The following CSMD1 variants were observed in gnomAD, a reference collection of about 807,000 sequenced individuals.
The protein encoded by CSMD1 is CUB and Sushi multiple domains 1.
In CSMD1, 213 loss-of-function variants were observed where a neutral mutation model predicts 417.5. That is an observed-to-expected ratio of 0.51 (90% CI 0.46 to 0.57). The LOEUF is 0.57. Among genes scored for constraint, CSMD1 ranks in the 20% least tolerant of loss-of-function variants. The pLI is 0.00. For missense variants in CSMD1, 6,923 were observed against 4,529.7 expected (o/e 1.53, Z -15.17); for synonymous variants, 2,862 against 1,736.8 (o/e 1.65, Z -16.11).
rs573264082 is a variant in CSMD1, at chr8:3,953,408, G to T, written c.818+44495C>A. On this transcript the variant is annotated intron_variant, in intron 5 of 69. Coordinates refer to ENST00000635120, the MANE Select transcript of CSMD1 (RefSeq NM_033225.6). ...ATATACTTAGATATTCATGTGTAAT[G>T]AGTATATAGAATGTTTCTACTCAAA... Among the ~76,000 whole-genome samples, 3 of 152,304 alleles carry T rather than the reference G, an allele frequency of 2.0e-5. No homozygotes were observed. The East Asian group carries it at 5.8e-4, about 29-fold the overall frequency.
intron 1 of CSMD1, among the ~76,000 whole-genome samples, chr8:4,741,561 G>T (rs569843292): frequency 3.2e-4 from 49 of 152,302 alleles, no homozygotes; most frequent in African/African-American, 1.2e-3. Flanking sequence ...GAATGAACTG[G>T]AGGTTTTAGA....
At chr8:4,534,840 G>T (rs1797020952) in intron 2 of CSMD1, among the ~76,000 whole-genome samples, 1 of 152,226 alleles carries the variant, frequency 6.6e-6, no homozygotes, top group South Asian at 2.1e-4. Flanking sequence ...TCAGCTCGAT[G>T]CAAGCTCCGC....
At chr8:4,986,048 T>C (rs1009347385) in intron 1 of CSMD1, among the ~76,000 whole-genome samples, 4 of 152,226 alleles carry the variant, frequency 2.6e-5, no homozygotes, top group Non-Finnish European at 4.4e-5. Flanking sequence ...AGCTGTATTA[T>C]ACATCAAAGT....
intron 3 of CSMD1, among the ~76,000 whole-genome samples, chr8:4,238,553 G>A (rs1477686841): frequency 6.6e-6 from 1 of 152,166 alleles, no homozygotes. Context: ...TTCTGCTGGT[G>A]ATTAGTTAGA....
chr8:4,612,067 T>G (rs1469371836), intron 2 of CSMD1, among the ~76,000 whole-genome samples: 1 of 151,580 alleles, frequency 6.6e-6, no homozygotes, highest in African/African-American at 2.4e-5. Context: ...CCCTAGGAGG[T>G]GAGGATAGAA....
chr8:4,308,854 G>T (rs1297688638), intron 3 of CSMD1, among the ~76,000 whole-genome samples: 1 of 152,040 alleles, frequency 6.6e-6, no homozygotes, highest in Non-Finnish European at 1.5e-5. Context: ...CATATCAAAG[G>T]CATGTAATGA....
At chr8:4,338,697 G>A (rs892895936) in intron 3 of CSMD1, among the ~76,000 whole-genome samples, 11 of 152,072 alleles carry the variant, frequency 7.2e-5, no homozygotes, top group Non-Finnish European at 1.5e-4. Flanking sequence ...CCATAGTTCC[G>A]GTTCTACAAG....
intron 43 of CSMD1, among the ~76,000 whole-genome samples, chr8:3,109,120 C>T (rs1417544395): frequency 6.6e-6 from 1 of 152,154 alleles, no homozygotes; most frequent in Non-Finnish European, 1.5e-5. Context: ...CAAAAATTAG[C>T]TGGGCCTGGT....
At chr8:3,813,469 G>T (rs905532784) in intron 5 of CSMD1, among the ~76,000 whole-genome samples, 1 of 151,984 alleles carries the variant, frequency 6.6e-6, no homozygotes, top group East Asian at 1.9e-4. Flanking sequence ...TAGTAATGTC[G>T]TATCTTTTGG....
chr8:4,243,829 T>C (rs1802542106), intron 3 of CSMD1, among the ~76,000 whole-genome samples: 1 of 152,150 alleles, frequency 6.6e-6, no homozygotes, highest in Admixed American at 6.5e-5. Context: ...GAAACAAAGA[T>C]GTATAAGAAA....
intron 25 of CSMD1, among the ~76,000 whole-genome samples, chr8:3,295,111 C>G (rs929636454): frequency 1.5e-5 from 2 of 135,664 alleles, no homozygotes; most frequent in Non-Finnish European, 3.2e-5. Context: ...TTTCAATTTG[C>G]TTTTATTTTA....
At chr8:3,800,159 G>C (rs147850828) in intron 5 of CSMD1, among the ~76,000 whole-genome samples, 2 of 152,050 alleles carry the variant, frequency 1.3e-5, no homozygotes, top group Non-Finnish European at 2.9e-5. Flanking sequence ...TGTGGAAAAA[G>C]AACAAAAATC....
chr8:4,595,985 C>T (rs556951313), intron 2 of CSMD1, among the ~76,000 whole-genome samples: 1 of 152,190 alleles, frequency 6.6e-6, no homozygotes, highest in South Asian at 2.1e-4. Flanking sequence ...ATCCAGAGAT[C>T]CCACATCTCC....
In CSMD1 at chr8:3,799,963, T is replaced by C. The variant is rs564859033; in HGVS notation, c.819-45921A>G. On this transcript the variant is annotated intron_variant, in intron 5 of 69. Transcript: ENST00000635120. The stretch of plus-strand genomic sequence containing the variant: ...TCAATAATGGAATAATGAAAATGTC[T>C]GGGGTATAAGCATTTCACTCTGAAG... Among the ~76,000 whole-genome samples the C allele has an allele frequency of 2.7e-3, 412 of 152,280 alleles. 2 individuals carry two copies. Among genetic ancestry groups the C allele is most frequent in the African/African-American group, 9.7e-3 (402 of 41,568 alleles).
intron 7 of CSMD1, among the ~76,000 whole-genome samples, chr8:3,650,007 G>A (rs61213821): frequency 0.012 from 1,843 of 152,282 alleles, 48 homozygotes; most frequent in African/African-American, 0.042. Flanking sequence ...GGCTGGGCCT[G>A]GTGGCTCATG....
intron 3 of CSMD1, among the ~76,000 whole-genome samples, chr8:4,367,561 T>C (rs1802151862): frequency 6.6e-6 from 1 of 152,182 alleles, no homozygotes; most frequent in African/African-American, 2.4e-5. Flanking sequence ...GGGCTCCATA[T>C]AAATTTTAGA....
chr8:4,386,498 G>A (rs1477574311), intron 3 of CSMD1, among the ~76,000 whole-genome samples: 1 of 152,208 alleles, frequency 6.6e-6, no homozygotes, highest in Non-Finnish European at 1.5e-5. Context: ...CTCCAATAGA[G>A]AATCTCAATC....
chr8:3,428,431 G>A (rs566257169), intron 12 of CSMD1, among the ~76,000 whole-genome samples: 1 of 152,086 alleles, frequency 6.6e-6, no homozygotes, highest in Non-Finnish European at 1.5e-5. Context: ...AAACGAAACT[G>A]TCAAGAATAT....
intron 1 of CSMD1, among the ~76,000 whole-genome samples, chr8:4,944,817 G>T (rs4875129): frequency 6.6e-6 from 1 of 151,878 alleles, no homozygotes; most frequent in Admixed American, 6.6e-5. Flanking sequence ...AAAATGGTGC[G>T]TGGTGGCTAC....
Sources: allele counts gnomAD v4.1 joint callset (sites outside exome capture counted in the v4.1 genomes callset), GRCh38; gene constraint gnomAD v4.1.1; transcripts MANE v1.5; gene names NCBI Gene and HGNC (gene_info 2026-07-23, HGNC 2026-07-21).